Variants in IARS2 observed in about 807,000 individuals in gnomAD.
IARS2 encodes the protein isoleucine--tRNA ligase, mitochondrial.
IARS2 carries 56 observed loss-of-function variants against 126.3 expected under a neutral mutation model. The observed-to-expected ratio is 0.44, with a 90% CI of 0.36 to 0.55. The LOEUF (loss-of-function observed/expected upper bound fraction) is 0.55. IARS2 is among the 20% of genes least tolerant of loss of function. The pLI is 0.00. For synonymous variants in IARS2, 407 were observed against 441.1 expected (o/e 0.92, Z 0.97); for missense variants, 1,127 against 1,245.9 (o/e 0.90, Z 1.44).
At chr1:220,104,026 A>G (rs1656632766) in intron 8 of IARS2, among the ~76,000 whole-genome samples, 1 of 152,214 alleles carries the variant, frequency 6.6e-6, no homozygotes, top group Non-Finnish European at 1.5e-5. Flanking sequence ...CCACTGCTGG[A>G]ATGCAGTGGT....
At chr1:220,111,856 T>C (rs1029152329) in intron 11 of IARS2, among the ~76,000 whole-genome samples, 3 of 152,102 alleles carry the variant, frequency 2.0e-5, no homozygotes, top group Non-Finnish European at 4.4e-5. Flanking sequence ...ATTTTGGTTT[T>C]TTCTTCATTT....
In IARS2 at chr1:220,114,353, CTGAA is replaced by C; in HGVS notation, c.1522_1525del (p.Asn508AlafsTer5). 6.2e-7 allele frequency: 1 copy of C among 1,613,940 alleles called. No homozygotes were observed. The highest frequency in any genetic ancestry group is 8.5e-7 in the Non-Finnish European group (1 of 1,179,856). On this transcript the variant is annotated frameshift_variant, in exon 12 of 23. Transcript: ENST00000366922. LOFTEE classifies it high-confidence loss of function. ...GGTGAAATTTATTCCTGGATCAGCA[CTGAA>C]TGGCATGGTTGAAATGATGGACAGG...
intron 22 of IARS2, 95 bp from the exon 23 acceptor site, chr1:220,147,398 A>C (rs999011181): frequency 3.3e-6 from 4 of 1,206,378 alleles, no homozygotes; most frequent in Non-Finnish European, 3.6e-6. Context: ...AAGGCAGGAC[A>C]AAAGACTGAA....
intron 2 of IARS2, among the ~76,000 whole-genome samples, chr1:220,097,396 T>TCTCGC (rs1449015298): frequency 6.7e-6 from 1 of 149,158 alleles, no homozygotes; most frequent in African/African-American, 2.5e-5. Flanking sequence ...CAGAGTCTTG[T>TCTCGC]ACTGTCGCCC....
intron 8 of IARS2, among the ~76,000 whole-genome samples, chr1:220,104,045 C>T (rs74623955): frequency 2.2e-3 from 336 of 152,338 alleles, no homozygotes; most frequent in African/African-American, 7.8e-3. Flanking sequence ...GTCCAGTCAG[C>T]TCATTGCAGC....
At chr1:220,143,585 C>T (rs555975605) in intron 21 of IARS2, among the ~76,000 whole-genome samples, 8 of 152,170 alleles carry the variant, frequency 5.3e-5, no homozygotes, top group African/African-American at 1.2e-4. Flanking sequence ...AAATTGATCG[C>T]GATCGTCTTT....
intron 15 of IARS2, 154 bp downstream of exon 15, chr1:220,134,664 C>T (rs1657335924): frequency 4.6e-6 from 2 of 433,680 alleles, no homozygotes; most frequent in African/African-American, 2.0e-5. Context: ...AAGGAGACAA[C>T]ACCAAGGTGT....
chr1:220,108,855 T>G (rs917090449), intron 10 of IARS2, among the ~76,000 whole-genome samples: 1 of 129,768 alleles, frequency 7.7e-6, no homozygotes, highest in African/African-American at 3.1e-5. Flanking sequence ...CTGTGAATCC[T>G]CTTTTTTTTT....
chr1:220,134,322 T>C (rs1463535741), intron 14 of IARS2, 80 bp from the exon 15 acceptor site: 4 of 959,826 alleles, frequency 4.2e-6, no homozygotes, highest in Non-Finnish European at 4.6e-6. Flanking sequence ...CCACTAATTG[T>C]TATTAATAAG....
chr1:220,118,459 A>G (rs1656973406), intron 12 of IARS2, among the ~76,000 whole-genome samples: 1 of 152,106 alleles, frequency 6.6e-6, no homozygotes, highest in African/African-American at 2.4e-5. Context: ...TCCATTTCTG[A>G]CTTTACTGTC....
rs1405992278 is a variant in IARS2 at position 220,139,010 on chromosome 1, T to G, written c.2178T>G (p.Leu726=). 1 of 1,611,750 alleles carries G rather than the reference T, an allele frequency of 6.2e-7. No individual in the cohort carries two copies. The highest frequency in any genetic ancestry group is 2.2e-5 in the East Asian group (1 of 44,818). The change falls in exon 18 of 23, where the codon CTT becomes CTG. Residue 726 remains leucine, a splice_region_variant and synonymous_variant. Transcript: ENST00000366922. ...LNAARDDISK[L]RNTLRFLLGN... ...ATATTTTTTCTTCCTATGAATAGCT[T>G]AGGAATACACTTCGCTTTCTTTTGG... is the stretch of plus-strand genomic sequence containing the variant.
rs143213917 is a variant in IARS2, at chr1:220,105,596, A to G, written c.1067-295A>G. Reference sequence around the variant, plus strand: ...ATTTCTTATCAATTACTTAGAGATCATTTTGGGAGGGTGGTGAGGGAGAAT... The same window carrying G: ...ATTTCTTATCAATTACTTAGAGATCGTTTTGGGAGGGTGGTGAGGGAGAAT... On this transcript the variant is annotated intron_variant, in intron 8 of 22. Transcript: ENST00000366922. Among the ~76,000 whole-genome samples the G allele has an allele frequency of 3.6e-3, 542 of 152,286 alleles. 5 individuals are homozygous for G. The highest frequency in any genetic ancestry group is 0.012 in the African/African-American group (502 of 41,562).
chr1:220,107,097 G>A lies in IARS2; in HGVS notation c.1273G>A (p.Val425Ile), dbSNP rs1656697625. The A allele has an allele frequency of 1.2e-6, 2 of 1,613,574 alleles. 1 individual carries two copies. Among genetic ancestry groups the A allele is most frequent in the Non-Finnish European group, 1.7e-6 (2 of 1,179,618 alleles). The change falls in exon 10 of 23, where the codon GTT becomes ATT. Residue 425 changes from valine to isoleucine, a missense_variant. Val to Ile is a conservative substitution (Grantham distance 29, BLOSUM62 3). Coordinates refer to ENST00000366922, the MANE Select transcript of IARS2 (RefSeq NM_018060.4). ...LVDEDGVFTDVAGPELQNKAV... is the reference protein window; with the variant it reads ...LVDEDGVFTDIAGPELQNKAV... ...GGACGAAGATGGAGTTTTCACAGAT[G>A]TTGCAGGTCCTGAACTTCAAAACAA...
At chr1:220,116,965 C>A (rs183616366) in intron 12 of IARS2, among the ~76,000 whole-genome samples, 1 of 151,750 alleles carries the variant, frequency 6.6e-6, no homozygotes, top group Non-Finnish European at 1.5e-5. Flanking sequence ...AGGCTGGTCT[C>A]GAACTCCTGG....
intron 22 of IARS2, among the ~76,000 whole-genome samples, chr1:220,145,854 G>T (rs1373400399): frequency 1.3e-5 from 2 of 152,136 alleles, no homozygotes; most frequent in African/African-American, 2.4e-5. Context: ...GGGAACTGAG[G>T]GCTAGGGACA....
Position 220,094,704 on chromosome 1 carries a change from G to C in IARS2, c.267+221G>C, listed in dbSNP as rs886388118. Among the ~76,000 whole-genome samples, 3 of 152,206 alleles carry C rather than the reference G, an allele frequency of 2.0e-5. No homozygotes were observed. In the East Asian group the frequency reaches 5.8e-4, roughly 29 times the overall value. On this transcript the variant is annotated intron_variant, in intron 1 of 22. Transcript: ENST00000366922. ...CCTCCTTTGTACCAGGTTCTGGAGC[G>C]GGACATTAAGGGGTCACTAGCGATG... is the stretch of plus-strand genomic sequence containing the variant.
At chr1:220,122,270 C>T (rs1657066062) in intron 12 of IARS2, among the ~76,000 whole-genome samples, 1 of 152,036 alleles carries the variant, frequency 6.6e-6, no homozygotes, top group Non-Finnish European at 1.5e-5. Flanking sequence ...TGATTTATTC[C>T]TGTCATTTTC....
intron 10 of IARS2, among the ~76,000 whole-genome samples, chr1:220,109,387 G>A (rs1656752359): frequency 2.7e-5 from 4 of 147,522 alleles, no homozygotes; most frequent in South Asian, 2.2e-4. Context: ...GCAACAGAGC[G>A]AGAGTCCATC....
At chr1:220,112,552 G>A (rs958752029) in intron 11 of IARS2, among the ~76,000 whole-genome samples, 2 of 146,092 alleles carry the variant, frequency 1.4e-5, no homozygotes, top group Non-Finnish European at 3.0e-5. Flanking sequence ...TGAAAGATAA[G>A]CTCTTTTTTT....
Sources: allele counts gnomAD v4.1 joint callset (sites outside exome capture counted in the v4.1 genomes callset), GRCh38; gene constraint gnomAD v4.1.1; transcripts MANE v1.5; gene names NCBI Gene and HGNC (gene_info 2026-07-23, HGNC 2026-07-21).